PDE1B: variants seen among roughly 807,000 people sequenced by gnomAD.
PDE1B encodes the protein dual specificity calcium/calmodulin-dependent 3',5'-cyclic nucleotide phosphodiesterase 1B.
A neutral mutation model predicts 66.7 loss-of-function variants in PDE1B; 13 were observed. The ratio of observed to expected loss-of-function variants is 0.19; its 90% CI spans 0.13 to 0.31. The LOEUF (loss-of-function observed/expected upper bound fraction) is 0.31, where lower values mean the gene tolerates loss of function less well. Ranked by LOEUF, PDE1B falls within the 10% of genes least tolerant of loss-of-function variation. The pLI, the probability that PDE1B is intolerant of heterozygous loss-of-function variation, is 1.00. For synonymous variants in PDE1B, 230 were observed against 253.9 expected (o/e 0.91, Z 0.90); for missense variants, 485 against 682.3 (o/e 0.71, Z 3.22).
chr12:54,573,705 G>C lies in PDE1B; in HGVS notation c.1060G>C (p.Glu354Gln). The change falls in exon 10 of 16, where the codon GAG becomes CAG. Residue 354 changes from glutamate (E) to glutamine (Q), a missense_variant. By Grantham distance (29) the Glu-to-Gln change is conservative. Around this residue, in one of 4 missense-constraint regions of PDE1B, gnomAD observed 282 missense variants for 453.4 expected, o/e 0.62. Coordinates refer to ENST00000243052, the MANE Select transcript of PDE1B (RefSeq NM_000924.4). The surrounding 1 kb of genome is among the most constrained non-coding windows in gnomAD (Gnocchi z 5.2). ...KTMKTALQQL[E>Q]RIDKPKALSL... ...CATGAAGACAGCCTTGCAACAGCTG[G>C]AGAGGTGGCATCTGGTGGGGTGTGG... is the stretch of plus-strand genomic sequence containing the variant. The C allele has an allele frequency of 6.2e-7, 1 of 1,613,162 alleles. No individual in the cohort carries two copies. The highest frequency in any genetic ancestry group is 2.2e-5 in the East Asian group (1 of 44,878).
At chr12:54,574,161 A>G (rs560886476) in intron 10 of PDE1B, 1 of 190,952 alleles carries the variant, frequency 5.2e-6, no homozygotes, top group Non-Finnish European at 1.1e-5. Context: ...GGTTTAAAAA[A>G]ATGCATAGAA....
At position 54,577,660 on chromosome 12, in the gene PDE1B, G is replaced by T. The variant is rs996264989; in HGVS notation, c.*18-200G>T. 8.3e-6 allele frequency: 9 copies of T among 1,089,464 alleles called. No homozygotes were observed. The African/African-American group carries it at 1.4e-4, about 17-fold the overall frequency. The allele number at this position is 1,089,464 out of a possible 1,614,324, so 67.5% of individuals were successfully genotyped here. A position where few individuals can be genotyped will look rare whatever the true frequency, so the allele number is the denominator to read the frequency against. On this transcript the variant is annotated intron_variant, in intron 15 of 15. Coordinates refer to ENST00000243052, the MANE Select transcript of PDE1B (RefSeq NM_000924.4). The stretch of plus-strand genomic sequence containing the variant: ...GGGTTAGGGAAAAGGAGCCCAGCCA[G>T]GGCACACAGCTCAGTGAGGGCAGCT...
chr12:54,562,492 G>A (rs1473663692), intron 2 of PDE1B, among the ~76,000 whole-genome samples: 4 of 152,168 alleles, frequency 2.6e-5, no homozygotes, highest in African/African-American at 9.7e-5. Context: ...TGGACTGGAC[G>A]GGGTTGAGCA....
At position 54,577,253 on chromosome 12, in the gene PDE1B, G is replaced by A; in HGVS notation, c.1536G>A (p.Glu512=). Residue 512 remains glutamate (E), a synonymous_variant, in exon 15 of 16, where the codon GAG becomes GAA. Transcript: ENST00000243052. The part of the protein sequence containing the change: ...SGITNQMSID[E]LSPCEEEAPP... The stretch of plus-strand genomic sequence containing the variant: ...TCACCAACCAGATGTCCATTGACGA[G>A]CTGTCCCCCTGTGAAGAAGAGGCCC... The A allele has an allele frequency of 1.9e-6, 3 of 1,614,038 alleles. No homozygotes were observed. Among genetic ancestry groups the A allele is most frequent in the Non-Finnish European group, 2.5e-6 (3 of 1,179,956 alleles).
intron 7 of PDE1B, among the ~76,000 whole-genome samples, 195 bp from the exon 8 acceptor site, chr12:54,572,953 A>C (rs187116915): frequency 6.6e-6 from 1 of 152,306 alleles, no homozygotes; most frequent in East Asian, 1.9e-4. Context: ...GCTGGGATGC[A>C]GTGGGAGTGT....
chr12:54,550,637 G>C (rs1957264142), intron 2 of PDE1B, among the ~76,000 whole-genome samples: 1 of 152,108 alleles, frequency 6.6e-6, no homozygotes. Context: ...CCACCTGGAA[G>C]CTGAAGGAGG....
chr12:54,552,457 C>T (rs1473612048), intron 2 of PDE1B, among the ~76,000 whole-genome samples: 1 of 152,200 alleles, frequency 6.6e-6, no homozygotes, highest in Non-Finnish European at 1.5e-5. Flanking sequence ...TTCTTCTACT[C>T]AACACATCCT....
At chr12:54,576,539 C>A in intron 13 of PDE1B, 32 bp from the exon 14 acceptor site, 1 of 1,613,640 alleles carries the variant, frequency 6.2e-7, no homozygotes, top group East Asian at 2.2e-5. Context: ...CTGGGGCTTA[C>A]CTCTTGCGGC....
chr12:54,571,706 T>G (rs1957619125), intron 6 of PDE1B: 1 of 152,234 alleles, frequency 6.6e-6, no homozygotes, highest in Admixed American at 6.5e-5. Context: ...TTTTCTTCCC[T>G]TCCCTCCAGG....
At chr12:54,555,000 G>A (rs1263057662) in intron 2 of PDE1B, among the ~76,000 whole-genome samples, 1 of 152,176 alleles carries the variant, frequency 6.6e-6, no homozygotes, top group Non-Finnish European at 1.5e-5. Context: ...AGCCGTGATT[G>A]AAGGAGTCTT....
At chr12:54,555,299 G>C (rs1440228330) in intron 2 of PDE1B, among the ~76,000 whole-genome samples, 1 of 152,198 alleles carries the variant, frequency 6.6e-6, no homozygotes, top group African/African-American at 2.4e-5. Flanking sequence ...CTAGGCCTGA[G>C]GGTATCATCA....
intron 3 of PDE1B, among the ~76,000 whole-genome samples, chr12:54,568,863 A>G (rs1282714438): frequency 6.6e-6 from 1 of 152,202 alleles, no homozygotes; most frequent in African/African-American, 2.4e-5. Context: ...GGCCTACTAG[A>G]CAATTTAAAA....
intron 2 of PDE1B, among the ~76,000 whole-genome samples, chr12:54,552,128 C>A (rs1957286207): frequency 6.6e-6 from 1 of 152,106 alleles, no homozygotes; most frequent in African/African-American, 2.4e-5. Context: ...ATGTTGATGG[C>A]CTACTGGATT....
intron 2 of PDE1B, among the ~76,000 whole-genome samples, chr12:54,560,504 C>A (rs572170730): frequency 2.6e-5 from 4 of 152,216 alleles, no homozygotes; most frequent in Admixed American, 6.5e-5. Flanking sequence ...CCCGCCAGCT[C>A]TTCTCCTTAG....
chr12:54,554,099 T>C (rs1486461092), intron 2 of PDE1B: 1 of 152,230 alleles, frequency 6.6e-6, no homozygotes, highest in Non-Finnish European at 1.5e-5. Context: ...ATCTTGTGTA[T>C]GTATTTGTGA....
chr12:54,565,144 C>A (rs956946128), intron 2 of PDE1B, among the ~76,000 whole-genome samples: 1 of 151,998 alleles, frequency 6.6e-6, no homozygotes, highest in Non-Finnish European at 1.5e-5. Context: ...AAAGGTGGGT[C>A]GAGAAGGGAA....
intron 10 of PDE1B, chr12:54,574,033 C>A: frequency 3.1e-6 from 1 of 323,446 alleles, no homozygotes; most frequent in South Asian, 4.4e-5. Context: ...TTGGAAAATT[C>A]ATTCAACCCT....
Position 54,549,862 on chromosome 12 carries a change from C to G in PDE1B, c.-11C>G, listed in dbSNP as rs776181205. On this transcript the variant is annotated splice_region_variant and 5_prime_UTR_variant, in exon 2 of 16. Coordinates refer to ENST00000243052, the MANE Select transcript of PDE1B (RefSeq NM_000924.4). ...TGTCTCCTCCTTCTGTTCCGTAGACCGTGGCTGAGCATGGAGCTGTCCCCC... is the reference window on the plus strand; with the variant it reads ...TGTCTCCTCCTTCTGTTCCGTAGACGGTGGCTGAGCATGGAGCTGTCCCCC... 4.7e-5 allele frequency: 75 copies of G among 1,604,202 alleles called. 1 individual carries two copies. In the Admixed American group the frequency reaches 1.1e-3, roughly 24 times the overall value.
Position 54,578,417 on chromosome 12 carries a change from A to G in PDE1B, c.*575A>G, listed in dbSNP as rs1957805685. 6.6e-6 allele frequency: 1 copy of G among 152,050 alleles called. No individual in the cohort carries two copies. The highest frequency in any genetic ancestry group is 1.5e-5 in the Non-Finnish European group (1 of 68,024). The allele number at this position is 152,050 out of a possible 1,614,324, so 9.4% of individuals were successfully genotyped here. On this transcript the variant is annotated 3_prime_UTR_variant, in exon 16 of 16. Transcript: ENST00000243052. ...CATGGTACCTTTCTAGGACCTGGGA[A>G]TGGGGTGGAGAGGACATCCTCTTCA...
Sources: allele counts gnomAD v4.1 joint callset (sites outside exome capture counted in the v4.1 genomes callset), GRCh38; gene constraint gnomAD v4.1.1; regional missense constraint gnomAD v4.1.1; non-coding constraint Gnocchi (gnomAD v3.1); transcripts MANE v1.5; gene names NCBI Gene and HGNC (gene_info 2026-07-23, HGNC 2026-07-21).